The following TRAPPC9 variants were observed in gnomAD, a reference collection of about 807,000 sequenced individuals.
The protein encoded by TRAPPC9 is trafficking protein particle complex subunit 9.
In TRAPPC9, 83 loss-of-function variants were observed where a neutral mutation model predicts 124.0. That is an observed-to-expected ratio of 0.67 (90% CI 0.56 to 0.80). TRAPPC9 has a LOEUF of 0.80. TRAPPC9 is among the 30% of genes least tolerant of loss of function. The pLI is 0.00. For missense variants in TRAPPC9, 1,302 were observed against 1,508.3 expected (o/e 0.86, Z 2.27); for synonymous variants, 638 against 617.5 (o/e 1.03, Z -0.49).
intron 16 of TRAPPC9, among the ~76,000 whole-genome samples, chr8:140,250,852 C>G (rs2064116014): frequency 6.6e-6 from 1 of 152,182 alleles, no homozygotes; most frequent in African/African-American, 2.4e-5. Context: ...TACAAACCAC[C>G]TGGTGACCAT....
rs777729053 is a variant in TRAPPC9 at position 139,995,241 on chromosome 8, G to A, written c.2700-6405C>T. On this transcript the variant is annotated intron_variant, in intron 18 of 22. Transcript: ENST00000438773. ...CGTGGACTCCAGAGGCGTGCCCTGT[G>A]TATAGCCAGACAGAGCTCCCAGGGC... Among the ~76,000 whole-genome samples, 31 of 152,312 alleles carry A rather than the reference G, an allele frequency of 2.0e-4. 1 individual carries two copies. The highest frequency in any genetic ancestry group is 3.4e-3 in the Middle Eastern group (1 of 292).
At chr8:140,014,126 G>T (rs1839307334) in intron 18 of TRAPPC9, among the ~76,000 whole-genome samples, 1 of 152,182 alleles carries the variant, frequency 6.6e-6, no homozygotes, top group Non-Finnish European at 1.5e-5. Context: ...GGCCTCGGTG[G>T]CAGGGTGTCT....
At chr8:140,248,826 T>C (rs897051241) in intron 16 of TRAPPC9, among the ~76,000 whole-genome samples, 7 of 152,232 alleles carry the variant, frequency 4.6e-5, no homozygotes, top group Non-Finnish European at 7.3e-5. Flanking sequence ...TGCCAAGAAT[T>C]TGAAGATAAG....
intron 17 of TRAPPC9, among the ~76,000 whole-genome samples, chr8:140,058,059 T>C (rs1477367895): frequency 6.6e-6 from 1 of 152,244 alleles, no homozygotes; most frequent in Non-Finnish European, 1.5e-5. Flanking sequence ...CTCGCGAATG[T>C]GACAGCTCAT....
chr8:140,199,050 G>A (rs2131149416), intron 17 of TRAPPC9, among the ~76,000 whole-genome samples: 1 of 152,276 alleles, frequency 6.6e-6, no homozygotes. Context: ...CAACAGTGCA[G>A]CTGAGGCCTG....
chr8:139,957,363 T>C (rs1835062901), intron 19 of TRAPPC9, among the ~76,000 whole-genome samples: 1 of 152,204 alleles, frequency 6.6e-6, no homozygotes, highest in Non-Finnish European at 1.5e-5. Context: ...AGGCAACCTG[T>C]ATCGCTCTAC....
chr8:140,157,228 C>T (rs1436573171), intron 17 of TRAPPC9, among the ~76,000 whole-genome samples: 4 of 22,700 alleles, frequency 1.8e-4, no homozygotes, highest in Non-Finnish European at 3.4e-4. Context: ...TCAAAAGCCT[C>T]CCTTTTCCAT....
chr8:140,028,023 A>G lies in TRAPPC9; in HGVS notation c.2557-3944T>C, dbSNP rs568864650. On this transcript the variant is annotated intron_variant, in intron 17 of 22. Coordinates refer to ENST00000438773, the MANE Select transcript of TRAPPC9 (RefSeq NM_001160372.4). Reference sequence around the variant, plus strand: ...TGGGGACACAGAGTCTAACCACATCAAAAGGTTTTCTGAAGTTCAGTGTCA... The same window carrying G: ...TGGGGACACAGAGTCTAACCACATCGAAAGGTTTTCTGAAGTTCAGTGTCA... 2.0e-4 allele frequency among the ~76,000 whole-genome samples: 30 copies of G among 152,298 alleles called. No individual in the cohort carries two copies. In the South Asian group the frequency reaches 2.1e-3, roughly 11 times the overall value.
intron 21 of TRAPPC9, among the ~76,000 whole-genome samples, chr8:139,783,391 T>G (rs1034541188): frequency 6.6e-6 from 1 of 152,182 alleles, no homozygotes; most frequent in African/African-American, 2.4e-5. Flanking sequence ...AATAAGGAAA[T>G]ATTCTGAAAA....
At chr8:140,209,253 T>C (rs545613885) in intron 17 of TRAPPC9, among the ~76,000 whole-genome samples, 1 of 152,342 alleles carries the variant, frequency 6.6e-6, no homozygotes, top group Admixed American at 6.5e-5. Context: ...TCTCTTCTGC[T>C]GGATGTCAGC....
At chr8:140,448,954 G>A (rs1446101811) in intron 2 of TRAPPC9, among the ~76,000 whole-genome samples, 1 of 133,132 alleles carries the variant, frequency 7.5e-6, no homozygotes, top group Non-Finnish European at 1.6e-5. Flanking sequence ...CAGGGCTGCC[G>A]TGAGGATTAA....
chr8:139,886,033 T>A, intron 20 of TRAPPC9, 64 bp from the exon 21 acceptor site: 4 of 1,454,504 alleles, frequency 2.8e-6, no homozygotes, highest in Non-Finnish European at 3.8e-6. Context: ...CGTCTAGAAG[T>A]CTCTAGACAG....
At chr8:140,140,843 T>C (rs1479901673) in intron 17 of TRAPPC9, among the ~76,000 whole-genome samples, 1 of 152,154 alleles carries the variant, frequency 6.6e-6, no homozygotes, top group Non-Finnish European at 1.5e-5. Context: ...TCCAGAGATT[T>C]ATTTCTGCTA....
At chr8:139,739,741 C>A (rs1042095863) in intron 21 of TRAPPC9, among the ~76,000 whole-genome samples, 6 of 152,242 alleles carry the variant, frequency 3.9e-5, no homozygotes, top group Admixed American at 6.5e-5. Context: ...TCTGAAGCGA[C>A]CTTGTTTATC....
At chr8:139,983,666 C>G (rs1837057660) in intron 19 of TRAPPC9, among the ~76,000 whole-genome samples, 3 of 152,296 alleles carry the variant, frequency 2.0e-5, no homozygotes, top group South Asian at 4.1e-4. Flanking sequence ...CCATCTCACC[C>G]TTTCTTCTGC....
chr8:140,229,251 CTTTTTTTTTTTTTTTTTTT>C (rs528175891), intron 16 of TRAPPC9, among the ~76,000 whole-genome samples: 6 of 99,834 alleles, frequency 6.0e-5, no homozygotes, highest in Admixed American at 2.1e-4. Context: ...TTTTCTTTTT[CTTTTTTTTTTTTTTTTTTT>C]TTTTTTTTTT....
At position 139,760,067 on chromosome 8, in the gene TRAPPC9, C is replaced by T. The variant is rs568658997; in HGVS notation, c.3056-27865G>A. Among the ~76,000 whole-genome samples, 5 of 152,312 alleles carry T rather than the reference C, an allele frequency of 3.3e-5. No individual in the cohort carries two copies. In the South Asian group the frequency reaches 1.0e-3, roughly 32 times the overall value. ...CATGAAGCATGCACATGCATGTGTG[C>T]GTTTGTGCACAGTGTGCTGTGTGTT... On this transcript the variant is annotated intron_variant, in intron 21 of 22. Coordinates refer to ENST00000438773, the MANE Select transcript of TRAPPC9 (RefSeq NM_001160372.4).
chr8:140,269,138 T>C (rs1244529297), intron 15 of TRAPPC9, among the ~76,000 whole-genome samples: 2 of 152,146 alleles, frequency 1.3e-5, no homozygotes, highest in Admixed American at 6.5e-5. Context: ...TCACTGTACA[T>C]GTATTTTACC....
intron 21 of TRAPPC9, among the ~76,000 whole-genome samples, chr8:139,830,160 C>G (rs1825879597): frequency 6.6e-6 from 1 of 152,192 alleles, no homozygotes; most frequent in African/African-American, 2.4e-5. Context: ...AGGGAAGGAG[C>G]CTGACGTGCA....
Sources: allele counts gnomAD v4.1 joint callset (sites outside exome capture counted in the v4.1 genomes callset), GRCh38; gene constraint gnomAD v4.1.1; transcripts MANE v1.5; gene names NCBI Gene and HGNC (gene_info 2026-07-23, HGNC 2026-07-21).